The following NLGN4X variants were observed in gnomAD, a reference collection of about 807,000 sequenced individuals.
NLGN4X encodes the protein neuroligin 4 X-linked, also known as neuroligin-4, X-linked.
Under a neutral mutation model 40.3 loss-of-function variants are expected in NLGN4X, and 3 were observed. The ratio of observed to expected loss-of-function variants is 0.07; its 90% CI spans 0.03 to 0.19. The LOEUF (loss-of-function observed/expected upper bound fraction) is 0.19, where lower values mean the gene tolerates loss of function less well. Ranked by LOEUF, NLGN4X falls within the 10% of genes least tolerant of loss-of-function variation. The pLI, the probability that NLGN4X is intolerant of heterozygous loss-of-function variation, is 1.00. For missense variants in NLGN4X, 382 were observed against 708.3 expected, an observed-to-expected ratio of 0.54 and a Z score of 5.23; for synonymous variants, 270 against 306.8, an observed-to-expected ratio of 0.88 and a Z score of 1.25.
chrX:6,004,816 A>C (rs1297361508), intron 3 of NLGN4X, among the ~76,000 whole-genome samples: 1 of 112,084 alleles, frequency 8.9e-6, no homozygotes, highest in East Asian at 2.8e-4. Flanking sequence ...TTGAATATTC[A>C]GTAATATTTT....
intron 3 of NLGN4X, among the ~76,000 whole-genome samples, chrX:5,932,177 T>TG (rs2033569740): frequency 1.8e-5 from 2 of 111,805 alleles, no homozygotes; most frequent in Non-Finnish European, 3.8e-5. Flanking sequence ...CTAAAGAGGC[T>TG]GTTTCTTCCT....
intron 1 of NLGN4X, among the ~76,000 whole-genome samples, chrX:6,199,379 T>TA (rs916892631): frequency 1.8e-5 from 2 of 111,793 alleles, no homozygotes; most frequent in African/African-American, 6.5e-5. Flanking sequence ...TATTAATGAA[T>TA]AAAAAAATTC....
chrX:5,986,101 T>A, intron 3 of NLGN4X, among the ~76,000 whole-genome samples: 1 of 112,278 alleles, frequency 8.9e-6, no homozygotes, highest in Non-Finnish European at 1.9e-5. Flanking sequence ...AACTACCACC[T>A]GGAAAACTAT....
At chrX:6,141,480 A>ATATTAC (rs2039946766) in intron 2 of NLGN4X, among the ~76,000 whole-genome samples, 1 of 112,124 alleles carries the variant, frequency 8.9e-6, no homozygotes, top group African/African-American at 3.2e-5. Flanking sequence ...ATGTATAATC[A>ATATTAC]TATTACTCTT....
At position 5,897,866 on chromosome X, in the gene NLGN4X, C is replaced by T. The variant is rs183111466; in HGVS notation, c.1602-4200G>A. Among the ~76,000 whole-genome samples, 287 of 110,440 alleles carry T rather than the reference C, an allele frequency of 2.6e-3. 1 individual carries two copies. Among genetic ancestry groups the T allele is most frequent in the Non-Finnish European group, 4.0e-3 (213 of 52,670 alleles). Reference sequence around the variant, plus strand: ...GGTGACATAATTTATAAGCAAAGATCCAATTGTCCCTCCCTCCCTCCTTCT... The same window carrying T: ...GGTGACATAATTTATAAGCAAAGATTCAATTGTCCCTCCCTCCCTCCTTCT... On this transcript the variant is annotated intron_variant, in intron 5 of 5. Transcript: ENST00000381095.
rs2033828816 is a variant in NLGN4X, at chrX:5,939,090, A to T, written c.626-29851T>A. 2.7e-5 allele frequency among the ~76,000 whole-genome samples: 3 copies of T among 109,850 alleles called. No individual in the cohort carries two copies. In the Admixed American group the frequency reaches 3.0e-4, roughly 11 times the overall value. On this transcript the variant is annotated intron_variant, in intron 3 of 5. Coordinates refer to ENST00000381095, the MANE Select transcript of NLGN4X (RefSeq NM_181332.3). Reference sequence around the variant, plus strand: ...GAGGATGGATGCATGTCACAGATTTAGCCACCTCTACGAATGGGAAACATA... The same window carrying T: ...GAGGATGGATGCATGTCACAGATTTTGCCACCTCTACGAATGGGAAACATA...
At chrX:6,133,343 A>G (rs1485277391) in intron 2 of NLGN4X, among the ~76,000 whole-genome samples, 1 of 111,723 alleles carries the variant, frequency 9.0e-6, no homozygotes, top group East Asian at 2.8e-4. Flanking sequence ...ATTTGATTTT[A>G]AAGATCTACG....
At chrX:6,227,253 C>G (rs973598759) in intron 1 of NLGN4X, 1 of 109,734 alleles carries the variant, frequency 9.1e-6, no homozygotes, top group Non-Finnish European at 1.9e-5. Flanking sequence ...GGTGGTGCGC[C>G]TATTGGAACC....
intron 5 of NLGN4X, among the ~76,000 whole-genome samples, chrX:5,897,277 A>G (rs1215263049): frequency 9.0e-6 from 1 of 111,534 alleles, no homozygotes; most frequent in Non-Finnish European, 1.9e-5. Context: ...CTTTTTGTCC[A>G]TCTCTTTCCA....
At chrX:6,050,131 T>A (rs755533246) in intron 2 of NLGN4X, among the ~76,000 whole-genome samples, 6 of 111,890 alleles carry the variant, frequency 5.4e-5, no homozygotes, top group Admixed American at 9.4e-5. Flanking sequence ...ATGATAGCAC[T>A]GAGGATAGTG....
intron 3 of NLGN4X, among the ~76,000 whole-genome samples, chrX:6,023,262 G>A (rs1394798225): frequency 8.9e-6 from 1 of 111,736 alleles, no homozygotes; most frequent in Non-Finnish European, 1.9e-5. Flanking sequence ...CACCATCACC[G>A]TGAACCAAAG....
intron 3 of NLGN4X, among the ~76,000 whole-genome samples, chrX:6,019,944 T>G (rs182839783): frequency 2.5e-3 from 286 of 112,683 alleles, no homozygotes; most frequent in African/African-American, 8.8e-3. Context: ...ATTGATGGAA[T>G]AGATTCTTCT....
intron 1 of NLGN4X, among the ~76,000 whole-genome samples, chrX:6,209,488 G>C (rs1042215003): frequency 9.0e-6 from 1 of 111,506 alleles, no homozygotes; most frequent in South Asian, 3.7e-4. Context: ...CCACAACAAA[G>C]AATTATCCAG....
At chrX:5,979,184 G>A (rs192095756) in intron 3 of NLGN4X, among the ~76,000 whole-genome samples, 4 of 110,812 alleles carry the variant, frequency 3.6e-5, no homozygotes, top group South Asian at 7.7e-4. Flanking sequence ...ACAGAATTAC[G>A]GTCTCTTCAT....
chrX:6,136,001 T>A (rs567644698), intron 2 of NLGN4X, among the ~76,000 whole-genome samples: 3 of 112,327 alleles, frequency 2.7e-5, no homozygotes, highest in African/African-American at 9.7e-5. Context: ...AAAATATATA[T>A]CCCTCCAATG....
chrX:5,925,907 T>TACAC (rs1264395729), intron 3 of NLGN4X, among the ~76,000 whole-genome samples: 1 of 42,033 alleles, frequency 2.4e-5, no homozygotes, highest in Non-Finnish European at 4.0e-5. Context: ...TATATATATA[T>TACAC]ATATATATAT....
At chrX:6,148,283 T>A (rs1248618421) in intron 2 of NLGN4X, among the ~76,000 whole-genome samples, 1 of 111,911 alleles carries the variant, frequency 8.9e-6, no homozygotes, top group East Asian at 2.8e-4. Context: ...TTGTTTAGAT[T>A]TGTCTTTCTG....
chrX:6,010,327 C>T (rs2036213679), intron 3 of NLGN4X, among the ~76,000 whole-genome samples: 1 of 108,879 alleles, frequency 9.2e-6, no homozygotes, highest in Non-Finnish European at 1.9e-5. Context: ...CACCTTTAGA[C>T]CTCCTGGATC....
intron 3 of NLGN4X, among the ~76,000 whole-genome samples, chrX:5,998,348 T>G (rs1359246961): frequency 3.8e-5 from 4 of 105,698 alleles, no homozygotes; most frequent in African/African-American, 1.4e-4. Context: ...AGGCAGAGGT[T>G]GCAGTGAGCC....
Sources: gnomAD v4.1 joint callset for allele counts (sites outside exome capture counted in the v4.1 genomes callset) on GRCh38, gnomAD v4.1.1 for gene constraint, MANE v1.5 for transcripts, NCBI Gene and HGNC (gene_info 2026-07-23, HGNC 2026-07-21) for gene names.